Variants in FMN1 observed in about 807,000 individuals in gnomAD.
FMN1 encodes formin 1.
FMN1 carries 110 observed loss-of-function variants against 132.4 expected under a neutral mutation model. That is an observed-to-expected ratio of 0.83 (90% CI 0.71 to 0.97). The LOEUF (loss-of-function observed/expected upper bound fraction) is 0.97, where lower values mean the gene tolerates loss of function less well. FMN1 is among the 50% of genes least tolerant of loss of function. The pLI is 0.00. For synonymous variants in FMN1, 722 were observed against 651.7 expected, an observed-to-expected ratio of 1.11 and a Z score of -1.64; for missense variants, 1,792 against 1,705.3, an observed-to-expected ratio of 1.05 and a Z score of -0.90.
At chr15:33,023,059 C>CAAAAAAAAAAAAAAAAA (rs758459713) in intron 6 of FMN1, among the ~76,000 whole-genome samples, 3 of 53,212 alleles carry the variant, frequency 5.6e-5, no homozygotes, top group Non-Finnish European at 1.0e-4. Flanking sequence ...CTCCCCCACC[C>CAAAAAAAAAAAAAAAAA]AAAAAAAAAA....
intron 4 of FMN1, among the ~76,000 whole-genome samples, chr15:33,140,443 G>C (rs540685950): frequency 3.3e-5 from 5 of 152,166 alleles, no homozygotes; most frequent in Non-Finnish European, 5.9e-5. Context: ...TGCTCTAATG[G>C]AAGAGCCACT....
chr15:33,092,941 G>T (rs925493446), intron 4 of FMN1, among the ~76,000 whole-genome samples: 1 of 152,158 alleles, frequency 6.6e-6, no homozygotes, highest in Non-Finnish European at 1.5e-5. Context: ...TTCATACCAA[G>T]ATTCATGCAC....
At chr15:32,858,613 T>C (rs1309279108) in intron 16 of FMN1, among the ~76,000 whole-genome samples, 1 of 152,248 alleles carries the variant, frequency 6.6e-6, no homozygotes, top group East Asian at 1.9e-4. Flanking sequence ...TTAGCTATTC[T>C]GACAACCATT....
chr15:32,911,083 A>C (rs1369715139), intron 10 of FMN1, among the ~76,000 whole-genome samples: 7 of 152,218 alleles, frequency 4.6e-5, no homozygotes, highest in Admixed American at 4.6e-4. Flanking sequence ...AGATTATGGA[A>C]ACCTCCCATG....
At chr15:33,020,373 C>T (rs1415940754) in intron 6 of FMN1, among the ~76,000 whole-genome samples, 2 of 148,672 alleles carry the variant, frequency 1.3e-5, no homozygotes, top group Non-Finnish European at 3.0e-5. Flanking sequence ...TGTGGCCAGG[C>T]GCGGTGGCTC....
Position 33,054,030 on chromosome 15 carries a change from A to T in FMN1, c.2161+10927T>A, listed in dbSNP as rs371756970. Among the ~76,000 whole-genome samples, 10 of 152,098 alleles carry T rather than the reference A, an allele frequency of 6.6e-5. No homozygotes were observed. In the East Asian group the frequency reaches 1.5e-3, roughly 23 times the overall value. On this transcript the variant is annotated intron_variant, in intron 6 of 20. Coordinates refer to ENST00000616417, the MANE Select transcript of FMN1 (RefSeq NM_001277313.2). Reference sequence around the variant, plus strand: ...CCTCTCCTCTCCCTGAGAGTTGAGGAGGTGCTAAAAAATCCAACCCTCTAA... The same window carrying T: ...CCTCTCCTCTCCCTGAGAGTTGAGGTGGTGCTAAAAAATCCAACCCTCTAA...
Position 32,944,336 on chromosome 15 carries a change from G to A in FMN1, c.3139-18075C>T, listed in dbSNP as rs1303201194. Among the ~76,000 whole-genome samples, 4 of 152,160 alleles carry A rather than the reference G, an allele frequency of 2.6e-5. No homozygotes were observed. The East Asian group carries it at 5.8e-4, about 22-fold the overall frequency. On this transcript the variant is annotated intron_variant, in intron 9 of 20. Coordinates refer to ENST00000616417, the MANE Select transcript of FMN1 (RefSeq NM_001277313.2). ...AGTGCCATATTATGCAATGTCATCC[G>A]ACGTGGTGCAAAACAGCTCTTGCTG...
chr15:32,793,095 G>A (rs530529061), intron 19 of FMN1, among the ~76,000 whole-genome samples: 4 of 152,148 alleles, frequency 2.6e-5, no homozygotes, highest in South Asian at 2.1e-4. Flanking sequence ...AAAAGGAGAC[G>A]GAATGATGCT....
intron 9 of FMN1, among the ~76,000 whole-genome samples, chr15:32,942,594 T>C (rs959295535): frequency 2.0e-5 from 3 of 152,226 alleles, no homozygotes; most frequent in African/African-American, 7.2e-5. Flanking sequence ...GAGCCTTCCC[T>C]GTCTGAAAGG....
At chr15:33,107,697 T>C (rs2140108178) in intron 4 of FMN1, among the ~76,000 whole-genome samples, 1 of 152,216 alleles carries the variant, frequency 6.6e-6, no homozygotes, top group South Asian at 2.1e-4. Context: ...TTCTTGTCAC[T>C]GCCTTTTTGC....
rs1025089404 is a variant in FMN1, at chr15:33,022,243, G to C, written c.2162-14168C>G. On this transcript the variant is annotated intron_variant, in intron 6 of 20. Transcript: ENST00000616417. Reference sequence around the variant, plus strand: ...AAATGTTTCCAATCTGAGGCTAGTTGGATTTGCAAATGCAGAATCCGAGAA... The same window carrying C: ...AAATGTTTCCAATCTGAGGCTAGTTCGATTTGCAAATGCAGAATCCGAGAA... Among the ~76,000 whole-genome samples the C allele has an allele frequency of 3.3e-5, 5 of 152,224 alleles. 1 individual carries two copies. The South Asian group carries it at 1.0e-3, about 32-fold the overall frequency.
intron 4 of FMN1, 33 bp from the exon 5 acceptor site, chr15:33,089,007 T>C (rs1410128032): frequency 4.0e-6 from 6 of 1,505,428 alleles, no homozygotes; most frequent in Middle Eastern, 3.6e-4. Flanking sequence ...ATCAGTGACA[T>C]GGCAGCCAAA....
intron 17 of FMN1, among the ~76,000 whole-genome samples, chr15:32,830,113 G>A (rs541010114): frequency 6.6e-6 from 1 of 152,036 alleles, no homozygotes; most frequent in South Asian, 2.1e-4. Context: ...CCACATTCAG[G>A]CTATCCAAAA....
chr15:32,918,714 G>T (rs1567390698), intron 10 of FMN1, among the ~76,000 whole-genome samples: 1 of 152,174 alleles, frequency 6.6e-6, no homozygotes, highest in Non-Finnish European at 1.5e-5. Flanking sequence ...ATGAGAAACA[G>T]TTTGGGTTAA....
intron 17 of FMN1, among the ~76,000 whole-genome samples, chr15:32,847,679 C>A (rs545101193): frequency 3.9e-5 from 6 of 152,264 alleles, no homozygotes; most frequent in African/African-American, 1.4e-4. Context: ...GCAGTGAAAC[C>A]CCGTCTCTAC....
intron 6 of FMN1, among the ~76,000 whole-genome samples, chr15:33,041,617 G>C (rs1274228460): frequency 5.3e-5 from 8 of 151,892 alleles, no homozygotes; most frequent in Non-Finnish European, 1.0e-4. Flanking sequence ...CAAATGAAAA[G>C]ATGCTCAACC....
At chr15:33,004,038 T>G (rs957968856) in intron 7 of FMN1, among the ~76,000 whole-genome samples, 1 of 152,052 alleles carries the variant, frequency 6.6e-6, no homozygotes, top group African/African-American at 2.4e-5. Flanking sequence ...TATACAAAAA[T>G]TAATTCAAAA....
Position 33,099,132 on chromosome 15 carries a change from C to G in FMN1, c.1868-10158G>C, listed in dbSNP as rs907229796. 3.1e-4 allele frequency among the ~76,000 whole-genome samples: 47 copies of G among 152,004 alleles called. 1 individual carries two copies. On this transcript the variant is annotated intron_variant, in intron 4 of 20. Transcript: ENST00000616417. ...TCCATCTACAAAAAAAAGACCCAAT[C>G]TACAAAAAGTTAGCCAGGTGGGGTG... is the stretch of plus-strand genomic sequence containing the variant.
chr15:33,149,722 T>C (rs1400872537), intron 4 of FMN1: 2 of 907,484 alleles, frequency 2.2e-6, no homozygotes, highest in Non-Finnish European at 2.6e-6. Context: ...ATAATTTTCT[T>C]TGTACTACAT....
Sources: allele counts gnomAD v4.1 joint callset (sites outside exome capture counted in the v4.1 genomes callset), GRCh38; gene constraint gnomAD v4.1.1; transcripts MANE v1.5; gene names NCBI Gene and HGNC (gene_info 2026-07-23, HGNC 2026-07-21).